Variants in MRTFB observed in about 807,000 individuals in gnomAD.
MRTFB encodes the protein myocardin related transcription factor B.
MRTFB carries 29 observed loss-of-function variants against 104.2 expected under a neutral mutation model. The observed-to-expected ratio is 0.28, with a 90% CI of 0.21 to 0.38. The LOEUF (loss-of-function observed/expected upper bound fraction) is 0.38, where lower values mean the gene tolerates loss of function less well. Ranked by LOEUF, MRTFB falls within the 10% of genes least tolerant of loss-of-function variation. The pLI is 1.00. For missense variants in MRTFB, 1,270 were observed against 1,341.6 expected, an observed-to-expected ratio of 0.95 and a Z score of 0.83; for synonymous variants, 535 against 519.5, an observed-to-expected ratio of 1.03 and a Z score of -0.41.
the MRTFB span, chr16:14,013,321 C>G: frequency 1.2e-4 from 18 of 152,144 alleles, no homozygotes; most frequent in Non-Finnish European, 8.8e-5. Flanking sequence ...AGCAGTGGCA[C>G]CAATTTATAA....
At chr16:14,068,683 T>C (rs1476300379), upstream of MRTFB, among the ~76,000 whole-genome samples, 1 of 152,194 alleles carries the variant, frequency 6.6e-6, no homozygotes, top group Non-Finnish European at 1.5e-5. Context: ...AACCATAACT[T>C]CCACAGGGGA....
chr16:14,127,777 T>A lies in MRTFB; in HGVS notation c.-63-12767T>A, dbSNP rs576301071. Among the ~76,000 whole-genome samples, 12 of 150,844 alleles carry A rather than the reference T, an allele frequency of 8.0e-5. No individual in the cohort carries two copies. In the South Asian group the frequency reaches 2.5e-3, roughly 32 times the overall value. On this transcript the variant is annotated intron_variant, in intron 2 of 16. Coordinates refer to ENST00000571589, the MANE Select transcript of MRTFB (RefSeq NM_001308142.2). Reference sequence around the variant, plus strand: ...CTTTCCTCTTTCTCCAGGGTGTCATTTTTAGCAAAAGTGAATATATATATA... The same window carrying A: ...CTTTCCTCTTTCTCCAGGGTGTCATATTTAGCAAAAGTGAATATATATATA...
At chr16:14,200,838 G>A in intron 3 of MRTFB, 1 of 1,461,012 alleles carries the variant, frequency 6.8e-7, no homozygotes, top group Non-Finnish European at 9.6e-7. Context: ...TCGTGGGTGT[G>A]GTGCTACAAG....
chr16:14,134,203 T>C (rs1238353773), intron 2 of MRTFB, among the ~76,000 whole-genome samples: 1 of 152,188 alleles, frequency 6.6e-6, no homozygotes, highest in Admixed American at 6.5e-5. Flanking sequence ...AATAGCCACT[T>C]CCAGCACAGG....
At chr16:14,228,683 T>C (rs2042119176) in intron 8 of MRTFB, among the ~76,000 whole-genome samples, 1 of 152,216 alleles carries the variant, frequency 6.6e-6, no homozygotes, top group African/African-American at 2.4e-5. Context: ...AAACGTCCAC[T>C]GCCAGATGAA....
At chr16:14,165,763 G>T (rs2039212380) in intron 3 of MRTFB, among the ~76,000 whole-genome samples, 1 of 151,846 alleles carries the variant, frequency 6.6e-6, no homozygotes, top group Admixed American at 6.6e-5. Context: ...TTAGTTTGTC[G>T]TTCTGAGCCA....
chr16:14,217,354 T>C, intron 7 of MRTFB, 67 bp downstream of exon 7: 1 of 1,417,286 alleles, frequency 7.1e-7, no homozygotes, highest in Non-Finnish European at 9.6e-7. Context: ...ATAAAACAAA[T>C]ATAATTTAAA....
intron 3 of MRTFB, among the ~76,000 whole-genome samples, chr16:14,172,608 C>T (rs1360868188): frequency 6.6e-6 from 1 of 151,936 alleles, no homozygotes. Context: ...CATTGCTTTC[C>T]CAGAGGGTTG....
At chr16:14,052,739 CAA>C in the MRTFB span, among the ~76,000 whole-genome samples, 34 of 74,742 alleles carry the variant, frequency 4.5e-4, no homozygotes, top group Middle Eastern at 9.6e-3. Flanking sequence ...AACTCCATCT[CAA>C]AAAAAAAAAA....
At chr16:14,099,753 C>A (rs1037606894) in intron 2 of MRTFB, among the ~76,000 whole-genome samples, 19 of 151,750 alleles carry the variant, frequency 1.3e-4, no homozygotes, top group African/African-American at 4.6e-4. Context: ...CTGCAGCCTC[C>A]GCCTCCTTGG....
chr16:14,189,773 C>G (rs2040095331), intron 3 of MRTFB, among the ~76,000 whole-genome samples: 2 of 152,144 alleles, frequency 1.3e-5, no homozygotes, highest in African/African-American at 4.8e-5. Context: ...AGCTTGGGCT[C>G]TATATGTCTG....
At chr16:14,227,112 T>C (rs2042039241) in intron 8 of MRTFB, among the ~76,000 whole-genome samples, 1 of 152,144 alleles carries the variant, frequency 6.6e-6, no homozygotes, top group South Asian at 2.1e-4. Flanking sequence ...GGTTTGGATG[T>C]TTGTCTCCTT....
At chr16:14,085,457 CAAAAAAAA>C (rs386384321) in intron 2 of MRTFB, among the ~76,000 whole-genome samples, 1 of 61,872 alleles carries the variant, frequency 1.6e-5, no homozygotes, top group Admixed American at 1.7e-4. Flanking sequence ...AATTCCATCT[CAAAAAAAA>C]AAAAAAAAAA....
At chr16:14,016,206 T>C in the MRTFB span, among the ~76,000 whole-genome samples, 1 of 151,960 alleles carries the variant, frequency 6.6e-6, no homozygotes, top group African/African-American at 2.4e-5. Flanking sequence ...GGGAGCTCTG[T>C]AGAAAGTTAG....
Position 14,218,984 on chromosome 16 carries a change from A to G in MRTFB, c.679A>G (p.Asn227Asp), listed in dbSNP as rs780894356. The G allele has an allele frequency of 6.8e-6, 11 of 1,613,700 alleles. No homozygotes were observed. The highest frequency in any genetic ancestry group is 2.2e-5 in the East Asian group (1 of 44,888). Residue 227 changes from asparagine (N) to aspartate (D), a missense_variant, in exon 8 of 17, where the codon AAC (asparagine) becomes GAC (aspartate). Around this residue, in one of 3 missense-constraint regions of MRTFB, gnomAD observed 1,144 missense variants for 1,131.5 expected, o/e 1.01. Coordinates refer to ENST00000571589, the MANE Select transcript of MRTFB (RefSeq NM_001308142.2). ...VSESPSPVTT[N>D]TPAQFASVSP... ...TGAATCGCCATCTCCTGTGACTACA[A>G]ACACTCCAGCGCAGGTATTATCTTT...
chr16:14,200,772 T>A, intron 3 of MRTFB: 1 of 1,470,750 alleles, frequency 6.8e-7, no homozygotes, highest in Non-Finnish European at 9.5e-7. Flanking sequence ...CTGTGGGTGA[T>A]ACTTGCCTTC....
chr16:14,010,232 G>A, the MRTFB span, among the ~76,000 whole-genome samples: 2 of 152,134 alleles, frequency 1.3e-5, no homozygotes, highest in African/African-American at 4.8e-5. Context: ...CAAGGTCCAG[G>A]CAGTTTAGCC....
intron 2 of MRTFB, among the ~76,000 whole-genome samples, chr16:14,136,069 G>A (rs373380719): frequency 2.6e-4 from 40 of 152,116 alleles, no homozygotes; most frequent in Non-Finnish European, 4.7e-4. Flanking sequence ...TCAGGAGTTC[G>A]AGACAAGCCT....
the MRTFB span, among the ~76,000 whole-genome samples, chr16:14,022,815 G>C: frequency 1.4e-5 from 2 of 143,302 alleles, no homozygotes; most frequent in African/African-American, 5.2e-5. Flanking sequence ...AGTGGCCTCA[G>C]CCTCCCGAGT....
Sources: gnomAD v4.1 joint callset for allele counts (sites outside exome capture counted in the v4.1 genomes callset) on GRCh38, gnomAD v4.1.1 for gene constraint, gnomAD v4.1.1 regional missense constraint, MANE v1.5 for transcripts, NCBI Gene and HGNC (gene_info 2026-07-23, HGNC 2026-07-21) for gene names.